SPATA16: variants seen among roughly 807,000 people sequenced by gnomAD.
SPATA16 encodes the protein spermatogenesis associated 16.
A neutral mutation model predicts 63.3 loss-of-function variants in SPATA16; 36 were observed. The observed-to-expected ratio is 0.57, with a 90% CI of 0.44 to 0.75. The LOEUF is 0.75. Among genes scored for constraint, SPATA16 ranks in the 30% least tolerant of loss-of-function variants. The pLI is 0.00. For missense variants in SPATA16, 646 were observed against 679.3 expected, an observed-to-expected ratio of 0.95 and a Z score of 0.54; for synonymous variants, 203 against 216.7, an observed-to-expected ratio of 0.94 and a Z score of 0.56.
At chr3:173,023,626 G>T (rs1413431315) in intron 3 of SPATA16, among the ~76,000 whole-genome samples, 1 of 151,490 alleles carries the variant, frequency 6.6e-6, no homozygotes, top group Non-Finnish European at 1.5e-5. Context: ...TTATATTATT[G>T]TCTTCCCATA....
At chr3:172,935,457 G>T (rs965321642) in intron 6 of SPATA16, among the ~76,000 whole-genome samples, 2 of 152,082 alleles carry the variant, frequency 1.3e-5, no homozygotes, top group Non-Finnish European at 2.9e-5. Context: ...TAAAATATTA[G>T]AAATAAGCTT....
chr3:172,892,406 A>G (rs1416305426), intron 10 of SPATA16, among the ~76,000 whole-genome samples: 1 of 152,232 alleles, frequency 6.6e-6, no homozygotes, highest in African/African-American at 2.4e-5. Context: ...ACATCTGGTC[A>G]TAAAATTCCA....
chr3:172,918,908 G>A (rs557473723), intron 8 of SPATA16, among the ~76,000 whole-genome samples: 2 of 152,220 alleles, frequency 1.3e-5, no homozygotes, highest in East Asian at 3.9e-4. Flanking sequence ...CAAATAAGTG[G>A]CACTATATTA....
At chr3:172,938,390 G>A (rs547100929) in intron 6 of SPATA16, among the ~76,000 whole-genome samples, 1 of 152,276 alleles carries the variant, frequency 6.6e-6, no homozygotes, top group East Asian at 1.9e-4. Flanking sequence ...ACCTCTGCAG[G>A]TGGAAAGCTT....
chr3:172,909,667 C>G (rs149772415), intron 10 of SPATA16, among the ~76,000 whole-genome samples: 1 of 152,174 alleles, frequency 6.6e-6, no homozygotes, highest in South Asian at 2.1e-4. Flanking sequence ...TGCATGGAAG[C>G]CATTTGACTA....
chr3:173,010,027 G>A (rs1735028574), intron 4 of SPATA16, among the ~76,000 whole-genome samples: 1 of 152,102 alleles, frequency 6.6e-6, no homozygotes, highest in African/African-American at 2.4e-5. Context: ...GATTGGTTGT[G>A]GCAGGGGACC....
rs189022635 is a variant in SPATA16 at position 173,088,044 on chromosome 3, T to A, written c.612+29076A>T. On this transcript the variant is annotated intron_variant, in intron 2 of 10. Transcript: ENST00000351008. Reference sequence around the variant, plus strand: ...TTTCTTTCTTTCTTTCTTTCTTTCTTTCTTTCTTTCTTTCTTTCTTTCTTT... The same window carrying A: ...TTTCTTTCTTTCTTTCTTTCTTTCTATCTTTCTTTCTTTCTTTCTTTCTTT... Among the ~76,000 whole-genome samples the A allele has an allele frequency of 9.6e-4, 136 of 142,184 alleles. 3 individuals are homozygous for A. Among genetic ancestry groups the A allele is most frequent in the African/African-American group, 3.4e-3 (130 of 37,910 alleles). The allele number at this position is 142,184 out of a possible 152,430, so 93.3% of individuals were successfully genotyped here. A position where few individuals can be genotyped will look rare whatever the true frequency, so the allele number is the denominator to read the frequency against.
At chr3:173,029,417 G>GTTGTTTTTTTTTTTTTTTT (rs1735546945) in intron 3 of SPATA16, among the ~76,000 whole-genome samples, 1 of 131,760 alleles carries the variant, frequency 7.6e-6, no homozygotes, top group African/African-American at 2.6e-5. Flanking sequence ...TTTTTTTTTT[G>GTTGTTTTTTTTTTTTTTTT]TTTGTTTGTT....
At chr3:172,946,508 G>A (rs60852125) in intron 6 of SPATA16, among the ~76,000 whole-genome samples, 5,029 of 152,260 alleles carry the variant, frequency 0.033, 267 homozygotes, top group African/African-American at 0.12. Flanking sequence ...CCACAAGCTG[G>A]CTGAAGAGCT....
intron 1 of SPATA16, among the ~76,000 whole-genome samples, chr3:173,130,202 A>G (rs548197741): frequency 6.6e-6 from 1 of 152,114 alleles, no homozygotes; most frequent in Admixed American, 6.5e-5. Context: ...TCTACTAAAA[A>G]TACAAAAATT....
chr3:173,132,379 C>T (rs1268501007), intron 1 of SPATA16, among the ~76,000 whole-genome samples: 15 of 151,986 alleles, frequency 9.9e-5, no homozygotes, highest in Admixed American at 9.8e-4. Context: ...AGAAGGAACA[C>T]AGAGAATGAA....
At chr3:173,027,457 T>C (rs752333833) in intron 3 of SPATA16, among the ~76,000 whole-genome samples, 2 of 152,008 alleles carry the variant, frequency 1.3e-5, no homozygotes, top group Non-Finnish European at 2.9e-5. Flanking sequence ...TTTGTTGTTG[T>C]TGCTGTTGTT....
chr3:172,999,348 A>C (rs115525003), intron 4 of SPATA16, among the ~76,000 whole-genome samples: 3 of 152,220 alleles, frequency 2.0e-5, no homozygotes, highest in African/African-American at 7.2e-5. Context: ...ATATTACTTT[A>C]TTATACTTTC....
At chr3:172,935,209 A>G (rs1444241634) in intron 6 of SPATA16, among the ~76,000 whole-genome samples, 1 of 152,218 alleles carries the variant, frequency 6.6e-6, no homozygotes, top group Non-Finnish European at 1.5e-5. Flanking sequence ...ACGTGTCAAT[A>G]GTCCTACCTA....
chr3:173,069,300 G>A (rs906604972), intron 2 of SPATA16, among the ~76,000 whole-genome samples: 15 of 151,746 alleles, frequency 9.9e-5, no homozygotes, highest in African/African-American at 3.4e-4. Context: ...CAAAAAAGGA[G>A]ACAATGTAAC....
At chr3:173,030,929 A>C (rs1735590038) in intron 3 of SPATA16, among the ~76,000 whole-genome samples, 1 of 152,124 alleles carries the variant, frequency 6.6e-6, no homozygotes, top group Non-Finnish European at 1.5e-5. Flanking sequence ...CACATGCTAC[A>C]ACATGAATGC....
chr3:173,045,215 G>A (rs776557692), intron 3 of SPATA16, among the ~76,000 whole-genome samples: 4 of 152,072 alleles, frequency 2.6e-5, no homozygotes, highest in Non-Finnish European at 5.9e-5. Context: ...TTCCTTGGCA[G>A]CCTTGCTATT....
intron 2 of SPATA16, among the ~76,000 whole-genome samples, chr3:173,050,961 T>C (rs1305281566): frequency 6.6e-6 from 1 of 152,206 alleles, no homozygotes; most frequent in Non-Finnish European, 1.5e-5. Flanking sequence ...AAACAGGCTT[T>C]AAAACATAAT....
chr3:172,930,553 C>CTTTTTT (rs34780432), intron 6 of SPATA16, among the ~76,000 whole-genome samples: 46 of 87,366 alleles, frequency 5.3e-4, no homozygotes, highest in African/African-American at 1.2e-3. Context: ...CATTCAAACT[C>CTTTTTT]TTTTTTTTTT....
Sources: gnomAD v4.1 joint callset for allele counts (sites outside exome capture counted in the v4.1 genomes callset) on GRCh38, gnomAD v4.1.1 for gene constraint, MANE v1.5 for transcripts, NCBI Gene and HGNC (gene_info 2026-07-23, HGNC 2026-07-21) for gene names.